Variants in CNNM2 observed in about 807,000 individuals in gnomAD.
CNNM2 encodes metal transporter CNNM2.
A neutral mutation model predicts 66.9 loss-of-function variants in CNNM2; 12 were observed. The observed-to-expected ratio is 0.18, with a 90% CI of 0.11 to 0.29. The LOEUF is 0.29. CNNM2 is among the 10% of genes least tolerant of loss of function. The pLI is 1.00. For synonymous variants in CNNM2, 557 were observed against 501.8 expected, an observed-to-expected ratio of 1.11 and a Z score of -1.47; for missense variants, 705 against 1,167.7, an observed-to-expected ratio of 0.60 and a Z score of 5.77.
chr10:102,963,363 C>G (rs1171633106), intron 1 of CNNM2, among the ~76,000 whole-genome samples: 10 of 152,190 alleles, frequency 6.6e-5, no homozygotes, highest in Admixed American at 1.3e-4. Flanking sequence ...TTGACTGACT[C>G]TCTCAGTAAA....
intron 1 of CNNM2, among the ~76,000 whole-genome samples, chr10:102,937,796 T>C (rs7478048): frequency 6.9e-6 from 1 of 145,448 alleles, no homozygotes; most frequent in Non-Finnish European, 1.5e-5. Context: ...CTTTTTTTTT[T>C]CTTTTTTTGG....
In CNNM2 at chr10:103,071,806, A is replaced by AAAG. The variant is rs760463568; in HGVS notation, c.2200_2201insAAG (p.Ser734delinsLysGly). 3.0e-5 allele frequency: 49 copies of AAAG among 1,613,876 alleles called. No individual in the cohort carries two copies. Among genetic ancestry groups the AAAG allele is most frequent in the Non-Finnish European group, 4.2e-5 (49 of 1,179,872 alleles). On this transcript the variant is annotated protein_altering_variant, in exon 6 of 8. Coordinates refer to ENST00000369878, the MANE Select transcript of CNNM2 (RefSeq NM_017649.5). ...GTCCCTGTCTCGTACCTTTGTTGTC[A>AAAG]GCAGAACAGAGTTGTTAGCAGCAGG...
chr10:102,995,201 T>TCCCCCTCTTCCTCCTCCTCCCCTTCCTCC (rs2063973799), intron 1 of CNNM2, among the ~76,000 whole-genome samples: 1 of 558 alleles, frequency 1.8e-3, no homozygotes, highest in Non-Finnish European at 2.8e-3. Context: ...CTCTTCCTCC[T>TCCCCCTCTTCCTCCTCCTCCCCTTCCTCC]CCTTCCTCTT....
chr10:102,934,007 CTT>C (rs34063291), intron 1 of CNNM2, among the ~76,000 whole-genome samples: 97 of 135,220 alleles, frequency 7.2e-4, no homozygotes, highest in Admixed American at 9.7e-4. Context: ...CTTATTTTAA[CTT>C]TTTTTTTTTT....
At chr10:102,984,640 T>C (rs1285472359) in intron 1 of CNNM2, among the ~76,000 whole-genome samples, 4 of 152,278 alleles carry the variant, frequency 2.6e-5, no homozygotes, top group South Asian at 4.1e-4. Flanking sequence ...AACTGAAATA[T>C]AATTGTGTAA....
chr10:102,989,253 G>A (rs1036396307), intron 1 of CNNM2, among the ~76,000 whole-genome samples: 1 of 152,140 alleles, frequency 6.6e-6, no homozygotes, highest in Non-Finnish European at 1.5e-5. Context: ...TCAGCCATCC[G>A]AACAGTTCCC....
At chr10:103,019,173 T>C (rs1049709526) in intron 1 of CNNM2, among the ~76,000 whole-genome samples, 2 of 150,818 alleles carry the variant, frequency 1.3e-5, no homozygotes, top group Admixed American at 6.6e-5. Flanking sequence ...GGAGGCTGAG[T>C]TGGGAGGATC....
chr10:103,058,607 A>G (rs1590477651), intron 4 of CNNM2, among the ~76,000 whole-genome samples: 1 of 152,226 alleles, frequency 6.6e-6, no homozygotes, highest in Admixed American at 6.5e-5. Flanking sequence ...GATATTTTTG[A>G]TAAGACATCT....
At chr10:102,984,443 C>A (rs1364326459) in intron 1 of CNNM2, among the ~76,000 whole-genome samples, 1 of 151,122 alleles carries the variant, frequency 6.6e-6, no homozygotes, top group Non-Finnish European at 1.5e-5. Flanking sequence ...GAAATAATTT[C>A]TTAGTCCCAG....
chr10:102,983,741 T>C (rs1289278407), intron 1 of CNNM2, among the ~76,000 whole-genome samples: 2 of 149,894 alleles, frequency 1.3e-5, no homozygotes, highest in Non-Finnish European at 3.0e-5. Context: ...TGGCCTAGTT[T>C]GTTTCATTTT....
In CNNM2 at chr10:102,964,966, C is replaced by T. The variant is rs561282455; in HGVS notation, c.1621+44865C>T. ...CTTCACTCAGCACTTGGCCCTCCTACTCTTCTGCCCTCTGCGGTGTGAAGA... is the reference window on the plus strand; with the variant it reads ...CTTCACTCAGCACTTGGCCCTCCTATTCTTCTGCCCTCTGCGGTGTGAAGA... On this transcript the variant is annotated intron_variant, in intron 1 of 7. Coordinates refer to ENST00000369878, the MANE Select transcript of CNNM2 (RefSeq NM_017649.5). Among the ~76,000 whole-genome samples the T allele has an allele frequency of 1.2e-4, 18 of 152,290 alleles. No individual in the cohort carries two copies. In the South Asian group the frequency reaches 3.5e-3, roughly 30 times the overall value.
intron 1 of CNNM2, among the ~76,000 whole-genome samples, chr10:102,990,725 A>G (rs1480435544): frequency 6.6e-6 from 1 of 152,134 alleles, no homozygotes; most frequent in Non-Finnish European, 1.5e-5. Flanking sequence ...CTTTAATGCA[A>G]TTTTGATATT....
intron 1 of CNNM2, among the ~76,000 whole-genome samples, chr10:102,947,822 C>G (rs569998215): frequency 7.6e-4 from 115 of 151,982 alleles, no homozygotes; most frequent in African/African-American, 2.6e-3. Context: ...GAGGCCAAGG[C>G]GGGCAAATCA....
intron 1 of CNNM2, among the ~76,000 whole-genome samples, chr10:103,045,883 G>A (rs1375486722): frequency 3.3e-5 from 5 of 152,224 alleles, no homozygotes; most frequent in Middle Eastern, 3.4e-3. Context: ...GGCCTCAAGC[G>A]ATCCTCCTGC....
chr10:103,046,018 T>A (rs2065122362), intron 1 of CNNM2, among the ~76,000 whole-genome samples: 2 of 152,216 alleles, frequency 1.3e-5, no homozygotes, highest in Non-Finnish European at 2.9e-5. Context: ...TGGTAATAAG[T>A]TGATGGTGCC....
intron 1 of CNNM2, among the ~76,000 whole-genome samples, chr10:103,029,458 C>T (rs902544679): frequency 2.0e-5 from 3 of 151,640 alleles, no homozygotes; most frequent in Non-Finnish European, 2.9e-5. Context: ...AGCAAAACTC[C>T]GTCTCAAAAT....
intron 1 of CNNM2, among the ~76,000 whole-genome samples, chr10:103,004,351 G>T (rs1214959366): frequency 6.6e-6 from 1 of 152,056 alleles, no homozygotes; most frequent in Non-Finnish European, 1.5e-5. Flanking sequence ...TGAACATTTA[G>T]GTAGTTTTCT....
At position 103,071,828 on chromosome 10, in the gene CNNM2, C is replaced by T; in HGVS notation, c.2222C>T (p.Ala741Val). The T allele has an allele frequency of 8.7e-6, 14 of 1,613,764 alleles. No individual in the cohort carries two copies. Among genetic ancestry groups the T allele is most frequent in the Non-Finnish European group, 1.2e-5 (14 of 1,179,692 alleles). The change falls in exon 6 of 8, where the codon GCA becomes GTA. Residue 741 changes from alanine to valine, a missense_variant. Physicochemically the swap from Ala to Val is moderately conservative, Grantham distance 64. Coordinates refer to ENST00000369878, the MANE Select transcript of CNNM2 (RefSeq NM_017649.5). The stretch of plus-strand genomic sequence containing the variant: ...GTCAGCAGAACAGAGTTGTTAGCAG[C>T]AGGTTCTCCAGGTAATTCTGCATGC... ...FVVSRTELLA[A>V]GSPGENKSPP...
At chr10:102,956,009 C>T (rs1220871215) in intron 1 of CNNM2, among the ~76,000 whole-genome samples, 2 of 152,140 alleles carry the variant, frequency 1.3e-5, no homozygotes, top group Admixed American at 1.3e-4. Context: ...GAAGTTAGGC[C>T]AGGCATGGTG....
Sources: allele counts gnomAD v4.1 joint callset (sites outside exome capture counted in the v4.1 genomes callset), GRCh38; gene constraint gnomAD v4.1.1; transcripts MANE v1.5; gene names NCBI Gene and HGNC (gene_info 2026-07-23, HGNC 2026-07-21).